Variants in MYOZ2 observed in about 807,000 individuals in gnomAD.
MYOZ2 encodes the protein myozenin 2, also known as myozenin-2.
Under a neutral mutation model 25.4 loss-of-function variants are expected in MYOZ2, and 19 were observed. That is an observed-to-expected ratio of 0.75 (90% CI 0.52 to 1.10). The LOEUF (loss-of-function observed/expected upper bound fraction) is 1.10. Ranked by LOEUF, MYOZ2 falls within the 50% of genes least tolerant of loss-of-function variation. The pLI, the probability that MYOZ2 is intolerant of heterozygous loss-of-function variation, is 0.00. For missense variants in MYOZ2, 270 were observed against 317.9 expected (o/e 0.85, Z 1.15); for synonymous variants, 92 against 106.9 (o/e 0.86, Z 0.86).
chr4:119,156,864 A>G (rs1347162294), intron 3 of MYOZ2, among the ~76,000 whole-genome samples: 1 of 152,194 alleles, frequency 6.6e-6, no homozygotes, highest in East Asian at 1.9e-4. Context: ...ATTAACATGA[A>G]TGCAAAAGCC....
chr4:119,179,451 A>C (rs370457464), intron 5 of MYOZ2, among the ~76,000 whole-genome samples: 1 of 152,372 alleles, frequency 6.6e-6, no homozygotes, highest in African/African-American at 2.4e-5. Flanking sequence ...ATGGACACAT[A>C]GAACAAACTC....
chr4:119,148,725 A>ATT lies in MYOZ2; in HGVS notation c.77-2128_77-2127dup, dbSNP rs202187477. 4.2e-3 allele frequency among the ~76,000 whole-genome samples: 283 copies of ATT among 67,120 alleles called. 13 individuals are homozygous for ATT. Among genetic ancestry groups the ATT allele is most frequent in the African/African-American group, 0.016 (249 of 15,454 alleles). 44.0% of individuals were successfully genotyped at this position (67,120 alleles called of 152,430 possible). A position where few individuals can be genotyped will look rare whatever the true frequency, so the allele number is the denominator to read the frequency against. ...TTATATCTTTTATTTCTCGACTGAGATTTTTTTTTTTTTTTTTTTTGCTGC... is the reference window on the plus strand; with the variant it reads ...TTATATCTTTTATTTCTCGACTGAGATTTTTTTTTTTTTTTTTTTTTTGCTGC... On this transcript the variant is annotated intron_variant, in intron 2 of 5. Coordinates refer to ENST00000307128, the MANE Select transcript of MYOZ2 (RefSeq NM_016599.5).
At chr4:119,177,424 G>A (rs78024027) in intron 5 of MYOZ2, among the ~76,000 whole-genome samples, 1 of 152,010 alleles carries the variant, frequency 6.6e-6, no homozygotes, top group Non-Finnish European at 1.5e-5. Context: ...TAGCAAATTC[G>A]GTCTGTGAAG....
chr4:119,143,661 T>G (rs1741223691), intron 2 of MYOZ2, among the ~76,000 whole-genome samples: 1 of 152,204 alleles, frequency 6.6e-6, no homozygotes, highest in East Asian at 1.9e-4. Flanking sequence ...ACAGGATAGT[T>G]TCTCGGCCCT....
At chr4:119,165,028 G>T (rs936999063) in intron 5 of MYOZ2, among the ~76,000 whole-genome samples, 2 of 150,120 alleles carry the variant, frequency 1.3e-5, no homozygotes, top group East Asian at 3.9e-4. Context: ...TCCATTATTT[G>T]ATCACTTGAC....
intron 2 of MYOZ2, among the ~76,000 whole-genome samples, chr4:119,137,887 A>G (rs1392527085): frequency 6.6e-6 from 1 of 152,128 alleles, no homozygotes; most frequent in African/African-American, 2.4e-5. Flanking sequence ...ATGTGGCAAA[A>G]ATCAGATGAT....
chr4:119,165,692 A>AT (rs55928104), intron 5 of MYOZ2, among the ~76,000 whole-genome samples: 34,649 of 151,262 alleles, frequency 0.23, 4,621 homozygotes, highest in South Asian at 0.35. Flanking sequence ...CAATGTTATA[A>AT]TTTTTTTTTC....
chr4:119,141,423 C>A (rs1345027652), intron 2 of MYOZ2, among the ~76,000 whole-genome samples: 1 of 152,062 alleles, frequency 6.6e-6, no homozygotes, highest in South Asian at 2.1e-4. Context: ...TGCTCTGTTG[C>A]CCAGGCTGGA....
At chr4:119,137,139 C>T (rs1336763898) in intron 2 of MYOZ2, among the ~76,000 whole-genome samples, 2 of 152,000 alleles carry the variant, frequency 1.3e-5, no homozygotes, top group Admixed American at 1.3e-4. Flanking sequence ...ATTTTGTGTG[C>T]AAAGTCTACT....
intron 5 of MYOZ2, among the ~76,000 whole-genome samples, chr4:119,169,624 T>A (rs1188030736): frequency 6.6e-6 from 1 of 152,256 alleles, no homozygotes; most frequent in Non-Finnish European, 1.5e-5. Flanking sequence ...TTGAGGCACC[T>A]GTTGATTCAT....
chr4:119,157,291 T>C (rs1313464543), intron 3 of MYOZ2, among the ~76,000 whole-genome samples: 2 of 152,194 alleles, frequency 1.3e-5, no homozygotes, highest in East Asian at 3.8e-4. Flanking sequence ...GCTATACTTT[T>C]GAGGACATAA....
intron 3 of MYOZ2, among the ~76,000 whole-genome samples, chr4:119,154,940 A>G (rs1253017502): frequency 6.6e-6 from 1 of 151,752 alleles, no homozygotes; most frequent in Admixed American, 6.6e-5. Context: ...AGCTGAGACC[A>G]GGTACTTTAT....
chr4:119,173,847 G>A (rs1443772635), intron 5 of MYOZ2, among the ~76,000 whole-genome samples: 8 of 152,232 alleles, frequency 5.3e-5, no homozygotes, highest in Non-Finnish European at 7.3e-5. Flanking sequence ...GGAGTTCTGG[G>A]TGGGCATGGG....
intron 2 of MYOZ2, among the ~76,000 whole-genome samples, chr4:119,137,448 C>T (rs537155189): frequency 1.6e-4 from 25 of 152,196 alleles, no homozygotes; most frequent in African/African-American, 5.5e-4. Context: ...TTCAGAATGC[C>T]TCCTTATTTC....
chr4:119,141,116 A>G (rs1180950182), intron 2 of MYOZ2, among the ~76,000 whole-genome samples: 3 of 152,232 alleles, frequency 2.0e-5, no homozygotes. Flanking sequence ...ACATAGGCCA[A>G]CTGTCCAGGG....
intron 5 of MYOZ2, among the ~76,000 whole-genome samples, chr4:119,169,213 A>G (rs1454023931): frequency 6.6e-6 from 1 of 152,238 alleles, no homozygotes; most frequent in Admixed American, 6.5e-5. Context: ...TAAGGACACA[A>G]TGCTATAGAT....
chr4:119,163,845 C>A (rs929351991), intron 4 of MYOZ2, among the ~76,000 whole-genome samples: 1 of 152,070 alleles, frequency 6.6e-6, no homozygotes, highest in Admixed American at 6.5e-5. Context: ...TCAATATTAA[C>A]ATTTTTAAAT....
intron 3 of MYOZ2, among the ~76,000 whole-genome samples, chr4:119,154,895 CCTTT>C (rs1561113861): frequency 1.8e-4 from 18 of 99,984 alleles, no homozygotes; most frequent in Non-Finnish European, 4.0e-4. Flanking sequence ...ACACACAATG[CCTTT>C]CTTAGTCCAT....
intron 2 of MYOZ2, among the ~76,000 whole-genome samples, chr4:119,147,228 T>A (rs975254203): frequency 6.6e-6 from 1 of 152,202 alleles, no homozygotes; most frequent in Non-Finnish European, 1.5e-5. Context: ...CTTAAGTATG[T>A]AATTTTATTT....
Sources: allele counts gnomAD v4.1 joint callset (sites outside exome capture counted in the v4.1 genomes callset), GRCh38; gene constraint gnomAD v4.1.1; transcripts MANE v1.5; gene names NCBI Gene and HGNC (gene_info 2026-07-23, HGNC 2026-07-21).